FHIT: variants seen among roughly 807,000 people sequenced by gnomAD.
The protein encoded by FHIT is fragile histidine triad diadenosine triphosphatase.
A neutral mutation model predicts 17.9 loss-of-function variants in FHIT; 19 were observed. The observed-to-expected ratio is 1.06, with a 90% confidence interval of 0.74 to 1.56. The LOEUF is 1.56. Among genes scored for constraint, FHIT ranks in the 40% most tolerant of loss-of-function variants. The probability of loss-of-function intolerance (pLI) is 0.00; values close to 1 mark genes in which losing one functional copy is unlikely to be tolerated. For synonymous variants in FHIT, 81 were observed against 69.7 expected, an observed-to-expected ratio of 1.16 and a Z score of -0.81; for missense variants, 248 against 189.2, an observed-to-expected ratio of 1.31 and a Z score of -1.82.
chr3:60,765,051 A>T (rs1699801677), intron 4 of FHIT, among the ~76,000 whole-genome samples: 1 of 152,176 alleles, frequency 6.6e-6, no homozygotes. Flanking sequence ...TGGATGTCAT[A>T]AGGTAAAAAG....
intron 5 of FHIT, among the ~76,000 whole-genome samples, chr3:60,143,416 C>T (rs1465223296): frequency 6.6e-6 from 1 of 152,080 alleles, no homozygotes; most frequent in Non-Finnish European, 1.5e-5. Context: ...TGCTGCATCT[C>T]CACTACAGCC....
At chr3:61,111,479 T>A (rs910312406) in intron 2 of FHIT, among the ~76,000 whole-genome samples, 4 of 152,200 alleles carry the variant, frequency 2.6e-5, no homozygotes, top group African/African-American at 7.2e-5. Context: ...TCTATTTGGT[T>A]TCCCAGGATG....
rs572218924 is a variant in FHIT, at chr3:61,190,068, G to A, written c.-164+10549C>T. Among the ~76,000 whole-genome samples, 4 of 152,090 alleles carry A rather than the reference G, an allele frequency of 2.6e-5. No homozygotes were observed. In the South Asian group the frequency reaches 8.3e-4, roughly 32 times the overall value. ...AACACCAAAAGCAATGGCAACAAAA[G>A]ACAAAATTGACAAATGGGATCTAAT... On this transcript the variant is annotated intron_variant, in intron 2 of 9. Coordinates refer to ENST00000492590, the MANE Select transcript of FHIT (RefSeq NM_002012.4).
intron 4 of FHIT, among the ~76,000 whole-genome samples, chr3:60,715,426 A>C (rs1453634273): frequency 6.6e-6 from 1 of 152,140 alleles, no homozygotes; most frequent in Non-Finnish European, 1.5e-5. Context: ...TACACCATGG[A>C]ATACCATGCA....
chr3:60,201,550 C>T (rs1473732042), intron 5 of FHIT, among the ~76,000 whole-genome samples: 1 of 152,054 alleles, frequency 6.6e-6, no homozygotes, highest in Non-Finnish European at 1.5e-5. Context: ...CCCAAAAAAC[C>T]CTTTCTCTCT....
At chr3:60,718,070 G>C (rs567184564) in intron 4 of FHIT, among the ~76,000 whole-genome samples, 8 of 152,160 alleles carry the variant, frequency 5.3e-5, no homozygotes, top group Non-Finnish European at 1.0e-4. Context: ...TCTCAACCTT[G>C]TATGTTATTT....
intron 1 of FHIT, among the ~76,000 whole-genome samples, chr3:61,223,148 A>G (rs1008133224): frequency 6.6e-6 from 1 of 152,192 alleles, no homozygotes; most frequent in East Asian, 1.9e-4. Context: ...TAATATTTAT[A>G]TCCAGGCCTA....
chr3:60,462,560 C>G (rs1379414679), intron 5 of FHIT, among the ~76,000 whole-genome samples: 1 of 152,168 alleles, frequency 6.6e-6, no homozygotes, highest in African/African-American at 2.4e-5. Context: ...GAGCTGAGAG[C>G]GGAAAGCAGG....
At chr3:60,449,273 A>C (rs2031556914) in intron 5 of FHIT, among the ~76,000 whole-genome samples, 1 of 152,190 alleles carries the variant, frequency 6.6e-6, no homozygotes, top group African/African-American at 2.4e-5. Flanking sequence ...ATCTTGTTCT[A>C]GCCTTTTGTG....
At position 60,576,101 on chromosome 3, in the gene FHIT, C is replaced by T. The variant is rs144329712; in HGVS notation, c.-17-39122G>A. On this transcript the variant is annotated intron_variant, in intron 4 of 9. Coordinates refer to ENST00000492590, the MANE Select transcript of FHIT (RefSeq NM_002012.4). ...CACCAGGGAGGAAGTCCAGGAGACG[C>T]AAGACAGAGACGGGTAGAAGTTGAA... Among the ~76,000 whole-genome samples, 129 of 152,046 alleles carry T rather than the reference C, an allele frequency of 8.5e-4. 2 individuals carry two copies. In the East Asian group the frequency reaches 0.021, roughly 24 times the overall value.
intron 5 of FHIT, among the ~76,000 whole-genome samples, chr3:60,069,579 G>A (rs1306323595): frequency 6.6e-6 from 1 of 152,172 alleles, no homozygotes; most frequent in Admixed American, 6.5e-5. Flanking sequence ...ATATTTTAAA[G>A]AGATTTTCAG....
At chr3:59,941,100 C>T (rs73104549) in intron 7 of FHIT, among the ~76,000 whole-genome samples, 10,634 of 152,250 alleles carry the variant, frequency 0.07, 496 homozygotes, top group South Asian at 0.13. Context: ...GGAAGTATCT[C>T]TAACTCAATG....
chr3:61,148,438 C>T (rs2037289701), intron 2 of FHIT, among the ~76,000 whole-genome samples: 1 of 152,138 alleles, frequency 6.6e-6, no homozygotes, highest in South Asian at 2.1e-4. Flanking sequence ...TTGAATTTTA[C>T]ACAAATGGAA....
At chr3:61,131,061 T>C (rs2036749597) in intron 2 of FHIT, among the ~76,000 whole-genome samples, 1 of 152,220 alleles carries the variant, frequency 6.6e-6, no homozygotes, top group African/African-American at 2.4e-5. Context: ...ACTCAGGACA[T>C]AAATCTGAAT....
intron 3 of FHIT, among the ~76,000 whole-genome samples, chr3:61,039,178 A>T (rs1397795447): frequency 2.6e-5 from 4 of 152,176 alleles, no homozygotes; most frequent in African/African-American, 9.6e-5. Flanking sequence ...AAAGACACTC[A>T]ATGTGGTGCC....
At chr3:60,025,145 T>A (rs1700694002) in intron 5 of FHIT, among the ~76,000 whole-genome samples, 3 of 152,198 alleles carry the variant, frequency 2.0e-5, no homozygotes, top group Admixed American at 2.0e-4. Context: ...TGGGACAGTG[T>A]CATGTAGCTC....
intron 5 of FHIT, among the ~76,000 whole-genome samples, chr3:60,346,412 G>T (rs1385443855): frequency 3.3e-5 from 5 of 152,148 alleles, no homozygotes; most frequent in African/African-American, 1.2e-4. Context: ...AACTGGACAT[G>T]CCCAAAGCAG....
chr3:60,346,307 ATCTT>A (rs1471340299), intron 5 of FHIT, among the ~76,000 whole-genome samples: 1 of 152,228 alleles, frequency 6.6e-6, no homozygotes, highest in Non-Finnish European at 1.5e-5. Context: ...TGGTAAGGAT[ATCTT>A]TCTGTTTTCA....
In FHIT at chr3:61,080,137, G is replaced by C. The variant is rs1201052004; in HGVS notation, c.-163-38038C>G. Among the ~76,000 whole-genome samples the C allele has an allele frequency of 5.3e-5, 8 of 152,220 alleles. No homozygotes were observed. In the South Asian group the frequency reaches 1.5e-3, roughly 28 times the overall value. On this transcript the variant is annotated intron_variant, in intron 2 of 9. Transcript: ENST00000492590. ...TAAATGGCTGATTTGGTAAGTTTTA[G>C]AGCCTTTTAATAAAACCATATTTTT...
Sources: gnomAD v4.1 joint callset for allele counts (sites outside exome capture counted in the v4.1 genomes callset) on GRCh38, gnomAD v4.1.1 for gene constraint, MANE v1.5 for transcripts, NCBI Gene and HGNC (gene_info 2026-07-23, HGNC 2026-07-21) for gene names.